EHD3: variants seen among roughly 807,000 people sequenced by gnomAD.
EHD3 encodes EH domain containing 3, also known as EH domain-containing protein 3.
Under a neutral mutation model 43.0 loss-of-function variants are expected in EHD3, and 17 were observed. That is an observed-to-expected ratio of 0.40 (90% CI 0.27 to 0.59). The LOEUF (loss-of-function observed/expected upper bound fraction) is 0.59. EHD3 is among the 20% of genes least tolerant of loss of function. The pLI, the probability that EHD3 is intolerant of heterozygous loss-of-function variation, is 0.49. For missense variants in EHD3, 594 were observed against 705.6 expected (o/e 0.84, Z 1.79); for synonymous variants, 313 against 289.5 (o/e 1.08, Z -0.82).
chr2:31,234,815 G>A lies in EHD3; in HGVS notation c.194G>A (p.Gly65Asp). Residue 65 changes from glycine (G) to aspartate (D), a missense_variant, in exon 1 of 6, where the codon GGC becomes GAC. Around this residue, in one of 3 missense-constraint regions of EHD3, gnomAD observed 243 missense variants for 296.7 expected, o/e 0.82. Coordinates refer to ENST00000322054, the MANE Select transcript of EHD3 (RefSeq NM_014600.3). Reference sequence around the variant, plus strand: ...AACAAGCCCATGGTTCTGCTGGTGGGCCAGTACTCCACTGGGAAGACCACC... The same window carrying A: ...AACAAGCCCATGGTTCTGCTGGTGGACCAGTACTCCACTGGGAAGACCACC... ...FDNKPMVLLV[G>D]QYSTGKTTFI... 6.2e-7 allele frequency: 1 copy of A among 1,614,174 alleles called. No homozygotes were observed. The highest frequency in any genetic ancestry group is 8.5e-7 in the Non-Finnish European group (1 of 1,180,028).
chr2:31,249,322 G>T, intron 2 of EHD3, 49 bp from the exon 3 acceptor site: 1 of 1,549,830 alleles, frequency 6.5e-7, no homozygotes, highest in Non-Finnish European at 8.9e-7. Context: ...ATGCGGCTAG[G>T]TCATGAAAGG....
chr2:31,261,270 GTCAGCTGCTGGTATTGCCT>G (rs1683849677), intron 4 of EHD3, among the ~76,000 whole-genome samples: 1 of 152,188 alleles, frequency 6.6e-6, no homozygotes, highest in East Asian at 1.9e-4. Flanking sequence ...CTCAGCAACT[GTCAGCTGCTGGTATTGCCT>G]TCAGCAGCAG....
intron 3 of EHD3, among the ~76,000 whole-genome samples, chr2:31,254,598 C>T (rs1474807337): frequency 6.6e-6 from 1 of 152,250 alleles, no homozygotes; most frequent in Non-Finnish European, 1.5e-5. Context: ...TCCTCTTTTG[C>T]TCAAATGCCT....
chr2:31,242,014 G>A lies in EHD3; in HGVS notation c.228-2260G>A, dbSNP rs535602972. ...GAAACCCATCTGTGCCCTGTGTGGC[G>A]GGTGGCCTTTGGACAGGAGGGCTCC... On this transcript the variant is annotated intron_variant, in intron 1 of 5. Coordinates refer to ENST00000322054, the MANE Select transcript of EHD3 (RefSeq NM_014600.3). Among the ~76,000 whole-genome samples the A allele has an allele frequency of 8.5e-5, 13 of 152,320 alleles. No homozygotes were observed. In the East Asian group the frequency reaches 1.2e-3, roughly 14 times the overall value.
At chr2:31,243,708 C>G (rs551475705) in intron 1 of EHD3, among the ~76,000 whole-genome samples, 2 of 152,080 alleles carry the variant, frequency 1.3e-5, no homozygotes, top group East Asian at 3.9e-4. Context: ...CCCACCTTGG[C>G]CTCCCAAAGT....
intron 5 of EHD3, among the ~76,000 whole-genome samples, chr2:31,262,060 A>G (rs904217798): frequency 6.6e-6 from 1 of 152,202 alleles, no homozygotes; most frequent in Non-Finnish European, 1.5e-5. Context: ...CACCTGACCA[A>G]GGTTCTCCAG....
rs1464647231 is a variant in EHD3 at position 31,268,144 on chromosome 2, TG to T, written c.*1442del. 1 of 152,670 alleles carries T rather than the reference TG, an allele frequency of 6.6e-6. No homozygotes were observed. The highest frequency in any genetic ancestry group is 1.5e-5 in the Non-Finnish European group (1 of 68,062). 9.5% of individuals were successfully genotyped at this position (152,670 alleles called of 1,614,324 possible). A position where few individuals can be genotyped will look rare whatever the true frequency, so the allele number is the denominator to read the frequency against. ...GTCCCCAGGGACTCTGCAGTGTCCTTGGCAAATCCCCACTGTACTCAATGCC... is the reference window on the plus strand; with the variant it reads ...GTCCCCAGGGACTCTGCAGTGTCCTTGCAAATCCCCACTGTACTCAATGCC... On this transcript the variant is annotated 3_prime_UTR_variant, in exon 6 of 6. Transcript: ENST00000322054.
intron 3 of EHD3, among the ~76,000 whole-genome samples, chr2:31,255,813 C>T (rs1396099009): frequency 6.6e-6 from 1 of 152,132 alleles, no homozygotes; most frequent in African/African-American, 2.4e-5. Context: ...GAGGCCTCTG[C>T]TTATAAAATC....
At chr2:31,240,956 G>A (rs986922010) in intron 1 of EHD3, among the ~76,000 whole-genome samples, 2 of 152,190 alleles carry the variant, frequency 1.3e-5, no homozygotes, top group Admixed American at 6.5e-5. Context: ...GATAGATGGG[G>A]TTTCCCAATC....
At position 31,260,876 on chromosome 2, in the gene EHD3, C is replaced by G; in HGVS notation, c.869C>G (p.Ala290Gly). The G allele has an allele frequency of 6.2e-7, 1 of 1,613,772 alleles. No homozygotes were observed. The highest frequency in any genetic ancestry group is 8.5e-7 in the Non-Finnish European group (1 of 1,179,840). ...RDIQSLPRNA[A>G]LRKLNDLIKR... is the part of the protein sequence containing the mutation. ...ATCCAGAGTCTGCCCCGAAATGCTG[C>G]CCTGCGCAAGCTCAACGACCTCATC... Residue 290 changes from alanine (A) to glycine (G), a missense_variant, in exon 4 of 6, where the codon GCC becomes GGC. Ala to Gly is a moderately conservative substitution (Grantham distance 60). Transcript: ENST00000322054. The surrounding 1 kb of genome is among the most constrained non-coding windows in gnomAD (Gnocchi z 4.6).
intron 2 of EHD3, among the ~76,000 whole-genome samples, chr2:31,245,512 G>A (rs1236040495): frequency 2.2e-5 from 3 of 137,870 alleles, no homozygotes; most frequent in Admixed American, 1.5e-4. Context: ...AAGGATTCTC[G>A]ATGTCTCTTA....
Position 31,266,788 on chromosome 2 carries a change from ACACACAAACATG to A in EHD3, c.*91_*102del. ...CACACACACACACACACACACACAC[ACACACAAACATG>A]CACACACACATATGCATATCTTGAC... is the stretch of plus-strand genomic sequence containing the variant. On this transcript the variant is annotated 3_prime_UTR_variant, in exon 6 of 6. Coordinates refer to ENST00000322054, the MANE Select transcript of EHD3 (RefSeq NM_014600.3). This position sits in a 1 kb window ranked among gnomAD's most constrained non-coding sequence, Gnocchi z 5.1. The A allele has an allele frequency of 1.4e-6, 2 of 1,400,168 alleles. No individual in the cohort carries two copies. Among genetic ancestry groups the A allele is most frequent in the Non-Finnish European group, 1.9e-6 (2 of 1,037,188 alleles). The allele number at this position is 1,400,168 out of a possible 1,614,324, so 86.7% of individuals were successfully genotyped here. A position where few individuals can be genotyped will look rare whatever the true frequency, so the allele number is the denominator to read the frequency against.
chr2:31,238,338 C>G (rs1296824059), intron 1 of EHD3, among the ~76,000 whole-genome samples: 2 of 152,170 alleles, frequency 1.3e-5, no homozygotes, highest in Admixed American at 6.5e-5. Flanking sequence ...CTCTTTATTC[C>G]CCCAGTTCTT....
In EHD3 at chr2:31,266,866, G is replaced by T; in HGVS notation, c.*162G>T. 1.1e-6 allele frequency: 1 copy of T among 902,102 alleles called. No individual in the cohort carries two copies. The highest frequency in any genetic ancestry group is 1.6e-6 in the Non-Finnish European group (1 of 620,202). The allele number at this position is 902,102 out of a possible 1,614,324, so 55.9% of individuals were successfully genotyped here. On this transcript the variant is annotated 3_prime_UTR_variant, in exon 6 of 6. Coordinates refer to ENST00000322054, the MANE Select transcript of EHD3 (RefSeq NM_014600.3). The surrounding 1 kb of genome is among the most constrained non-coding windows in gnomAD (Gnocchi z 5.1). ...AGAGAGGACCATGACGCCCATGTTTGCAGCTGATACTTGTTTGGGCACACC... is the reference window on the plus strand; with the variant it reads ...AGAGAGGACCATGACGCCCATGTTTTCAGCTGATACTTGTTTGGGCACACC...
intron 1 of EHD3, among the ~76,000 whole-genome samples, chr2:31,240,689 C>T (rs561231407): frequency 8.5e-5 from 13 of 152,352 alleles, no homozygotes; most frequent in Admixed American, 2.0e-4. Flanking sequence ...CTGCTGAGAA[C>T]ACCACGTCCC....
intron 1 of EHD3, among the ~76,000 whole-genome samples, chr2:31,241,474 A>G (rs1008765991): frequency 1.3e-5 from 2 of 152,214 alleles, no homozygotes; most frequent in African/African-American, 4.8e-5. Flanking sequence ...AATTTAAGGT[A>G]CTGGTTAAAT....
At position 31,266,058 on chromosome 2, in the gene EHD3, T is replaced by G; in HGVS notation, c.1081-119T>G. 7.7e-7 allele frequency: 1 copy of G among 1,291,196 alleles called. No individual in the cohort carries two copies. Among genetic ancestry groups the G allele is most frequent in the Non-Finnish European group, 1.1e-6 (1 of 951,934 alleles). The allele number at this position is 1,291,196 out of a possible 1,614,324, so 80.0% of individuals were successfully genotyped here. A position where few individuals can be genotyped will look rare whatever the true frequency, so the allele number is the denominator to read the frequency against. On this transcript the variant is annotated intron_variant, in intron 5 of 5. Coordinates refer to ENST00000322054, the MANE Select transcript of EHD3 (RefSeq NM_014600.3). This position sits in a 1 kb window ranked among gnomAD's most constrained non-coding sequence, Gnocchi z 5.1. ...ATCAGCTGAGCCTCTAGGTCACAGG[T>G]CTTTCATTGTAGAAAGGGATCAGCT...
intron 1 of EHD3, among the ~76,000 whole-genome samples, chr2:31,235,433 G>C (rs1177839702): frequency 6.6e-6 from 1 of 152,082 alleles, no homozygotes; most frequent in Non-Finnish European, 1.5e-5. Flanking sequence ...CAGAAGCTGA[G>C]TCCAGAAGCA....
At chr2:31,245,554 T>TATATATATATATATATATATA (rs1491471022) in intron 2 of EHD3, among the ~76,000 whole-genome samples, 1 of 32,042 alleles carries the variant, frequency 3.1e-5, no homozygotes, top group South Asian at 1.4e-3. Flanking sequence ...TATATATATA[T>TATATATATATATATATATATA]TTTTTTTTTT....
Sources: gnomAD v4.1 joint callset for allele counts (sites outside exome capture counted in the v4.1 genomes callset) on GRCh38, gnomAD v4.1.1 for gene constraint, gnomAD v4.1.1 regional missense constraint, Gnocchi (gnomAD v3.1) non-coding constraint, MANE v1.5 for transcripts, NCBI Gene and HGNC (gene_info 2026-07-23, HGNC 2026-07-21) for gene names.